Variants in SAXO1 observed in about 807,000 individuals in gnomAD.
The protein encoded by SAXO1 is stabilizer of axonemal microtubules 1, also known as 4930500O09Rik.
Under a neutral mutation model 17.5 loss-of-function variants are expected in SAXO1, and 21 were observed. The ratio of observed to expected loss-of-function variants is 1.20; its 90% CI spans 0.85 to 1.72. SAXO1 has a LOEUF of 1.72. Among genes scored for constraint, SAXO1 ranks in the 40% most tolerant of loss-of-function variants. The pLI is 0.00. For missense variants in SAXO1, 843 were observed against 596.0 expected, an observed-to-expected ratio of 1.41 and a Z score of -4.32; for synonymous variants, 274 against 216.5, an observed-to-expected ratio of 1.27 and a Z score of -2.33.
chr9:18,930,946 G>GA (rs1264962395), intron 3 of SAXO1, among the ~76,000 whole-genome samples: 2 of 151,974 alleles, frequency 1.3e-5, no homozygotes, highest in Non-Finnish European at 1.5e-5. Flanking sequence ...CGAAAGGTTA[G>GA]AAAAAAAAGC....
chr9:18,928,385 G>A lies in SAXO1; in HGVS notation c.1092C>T (p.Pro364=), dbSNP rs374774696. The change falls in exon 4 of 4, where the codon CCC becomes CCT. Residue 364 remains proline, a synonymous_variant. Coordinates refer to ENST00000380534, the MANE Select transcript of SAXO1 (RefSeq NM_153707.4). ...TGGTCAGGCAGTCCAGGGGCTCGGT[G>A]GGCAAGTCCAGCTGGGGAACGGGCT... is the stretch of plus-strand genomic sequence containing the variant. ...PVKPVPQLDL[P]TEPLDCLTTT... is the part of the protein sequence containing the mutation. 2.8e-4 allele frequency: 450 copies of A among 1,611,884 alleles called. No homozygotes were observed. Among genetic ancestry groups the A allele is most frequent in the Non-Finnish European group, 3.7e-4 (438 of 1,179,088 alleles).
At chr9:19,032,792 C>CATCA in intron 1 of SAXO1, 79 bp downstream of exon 1, 3 of 1,507,672 alleles carry the variant, frequency 2.0e-6, no homozygotes, top group Middle Eastern at 1.7e-4. Context: ...CCTGATGAAG[C>CATCA]AGCTGGGGGA....
intron 1 of SAXO1, among the ~76,000 whole-genome samples, chr9:18,970,303 C>A (rs1201372297): frequency 6.6e-6 from 1 of 152,194 alleles, no homozygotes; most frequent in African/African-American, 2.4e-5. Context: ...ATGTATTAAT[C>A]TGCTTCATAA....
chr9:19,003,275 G>C (rs201028118), intron 1 of SAXO1, among the ~76,000 whole-genome samples: 1 of 152,116 alleles, frequency 6.6e-6, no homozygotes, highest in African/African-American at 2.4e-5. Context: ...TATTCCATGC[G>C]CATGGATAGG....
chr9:19,015,493 A>C (rs997223985), intron 1 of SAXO1, among the ~76,000 whole-genome samples: 4 of 152,024 alleles, frequency 2.6e-5, no homozygotes, highest in African/African-American at 9.7e-5. Flanking sequence ...ATGTGTGTGT[A>C]CCACCACGCC....
At chr9:19,015,405 G>A (rs968660268) in intron 1 of SAXO1, among the ~76,000 whole-genome samples, 1 of 152,060 alleles carries the variant, frequency 6.6e-6, no homozygotes, top group Admixed American at 6.6e-5. Context: ...GTGCAGTGGC[G>A]TGATCTTGGC....
intron 1 of SAXO1, among the ~76,000 whole-genome samples, chr9:19,000,171 C>G (rs1354710600): frequency 6.6e-6 from 1 of 151,196 alleles, no homozygotes; most frequent in Non-Finnish European, 1.5e-5. Flanking sequence ...TGCCTGGCCG[C>G]CACCCTGTCT....
intron 1 of SAXO1, among the ~76,000 whole-genome samples, chr9:18,973,655 G>A (rs7856285): frequency 0.56 from 84,559 of 152,044 alleles, 27,456 homozygotes; most frequent in Non-Finnish European, 0.73. Flanking sequence ...GTTTCTTTTG[G>A]CTCACCTGGC....
At chr9:18,987,263 G>A (rs759018956) in intron 1 of SAXO1, among the ~76,000 whole-genome samples, 25 of 152,272 alleles carry the variant, frequency 1.6e-4, no homozygotes, top group Non-Finnish European at 2.5e-4. Context: ...CCCAGGGAGA[G>A]CCGCATGTTT....
At chr9:19,025,760 A>G (rs1835446137) in intron 1 of SAXO1, among the ~76,000 whole-genome samples, 1 of 152,256 alleles carries the variant, frequency 6.6e-6, no homozygotes. Flanking sequence ...AGTAAGCTAT[A>G]TCAATCCCTT....
chr9:19,045,098 C>G (rs1836175321), intron 1 of SAXO1, among the ~76,000 whole-genome samples: 1 of 150,910 alleles, frequency 6.6e-6, no homozygotes, highest in South Asian at 2.1e-4. Context: ...ATCATGAGGT[C>G]AGGAGATCGA....
At chr9:18,954,444 C>T (rs538165182) in intron 1 of SAXO1, among the ~76,000 whole-genome samples, 231 of 152,132 alleles carry the variant, frequency 1.5e-3, no homozygotes, top group Non-Finnish European at 2.7e-3. Flanking sequence ...TCAAGCAATC[C>T]TCCCACCTCA....
At chr9:18,979,181 CAA>C (rs746845785) in intron 1 of SAXO1, among the ~76,000 whole-genome samples, 32 of 152,072 alleles carry the variant, frequency 2.1e-4, no homozygotes, top group Non-Finnish European at 1.9e-4. Context: ...TGAAAAAACC[CAA>C]GATTGAGATA....
At position 18,929,075 on chromosome 9, in the gene SAXO1, G is replaced by C. The variant is rs762002778; in HGVS notation, c.422-20C>G. 1 of 1,608,728 alleles carries C rather than the reference G, an allele frequency of 6.2e-7. No homozygotes were observed. The highest frequency in any genetic ancestry group is 8.5e-7 in the Non-Finnish European group (1 of 1,177,400). ...AATCAGCTGAAATTAAAGCAGAAGA[G>C]GTAATTAATAATAAATCAAGTCAAC... On this transcript the variant is annotated intron_variant, in intron 3 of 3. Transcript: ENST00000380534.
rs1274961459 is a variant in SAXO1, at chr9:18,928,880, G to C, written c.597C>G (p.Ile199Met). ...KPLAMPKLCN[I>M]PLEDVTNYKM... The stretch of plus-strand genomic sequence containing the variant: ...TGTAGTTAGTCACATCCTCCAAGGG[G>C]ATGTTACAGAGCTTTGGCATGGCCA... Residue 199 changes from isoleucine to methionine, a missense_variant, in exon 4 of 4, where the codon ATC becomes ATG. Physicochemically the swap from Ile to Met is conservative, Grantham distance 10. Coordinates refer to ENST00000380534, the MANE Select transcript of SAXO1 (RefSeq NM_153707.4). 1.2e-6 allele frequency: 2 copies of C among 1,614,044 alleles called. No individual in the cohort carries two copies. The highest frequency in any genetic ancestry group is 1.1e-5 in the South Asian group (1 of 91,080).
At chr9:18,987,122 G>GC (rs1833623413) in intron 1 of SAXO1, among the ~76,000 whole-genome samples, 1 of 152,210 alleles carries the variant, frequency 6.6e-6, no homozygotes, top group Non-Finnish European at 1.5e-5. Context: ...ACAGCAAAGT[G>GC]ATTGTCAGGC....
intron 1 of SAXO1, among the ~76,000 whole-genome samples, chr9:19,040,264 A>C (rs577865233): frequency 1.4e-3 from 215 of 152,306 alleles, no homozygotes; most frequent in African/African-American, 5.0e-3. Context: ...TTAGGATTTC[A>C]AATACTGATA....
intron 1 of SAXO1, among the ~76,000 whole-genome samples, chr9:18,992,793 A>C (rs918337700): frequency 2.6e-5 from 4 of 151,666 alleles, no homozygotes; most frequent in Non-Finnish European, 4.4e-5. Context: ...TTTTAGACAA[A>C]GTTTAGCTCT....
chr9:19,031,773 G>A (rs1163439014), intron 1 of SAXO1, among the ~76,000 whole-genome samples: 7 of 152,082 alleles, frequency 4.6e-5, no homozygotes, highest in African/African-American at 7.2e-5. Context: ...TCAATTCAAC[G>A]GCCTGAGCAA....
Sources: gnomAD v4.1 joint callset for allele counts (sites outside exome capture counted in the v4.1 genomes callset) on GRCh38, gnomAD v4.1.1 for gene constraint, MANE v1.5 for transcripts, NCBI Gene and HGNC (gene_info 2026-07-23, HGNC 2026-07-21) for gene names.